Variants in PLCL1 observed in about 807,000 individuals in gnomAD.
PLCL1 encodes the protein inactive phospholipase C-like protein 1.
A neutral mutation model predicts 84.4 loss-of-function variants in PLCL1; 41 were observed. That is an observed-to-expected ratio of 0.49 (90% confidence interval 0.38 to 0.63). The LOEUF is 0.63. PLCL1 is among the 30% of genes least tolerant of loss of function. The pLI is 0.00. For missense variants in PLCL1, 1,206 were observed against 1,367.8 expected (o/e 0.88, Z 1.87); for synonymous variants, 490 against 488.3 (o/e 1.00, Z -0.05).
intron 1 of PLCL1, among the ~76,000 whole-genome samples, chr2:197,945,130 C>G (rs901951839): frequency 6.6e-6 from 1 of 152,044 alleles, no homozygotes; most frequent in Admixed American, 6.6e-5. Flanking sequence ...CTGGGAAGTA[C>G]TTTTTGACCT....
intron 1 of PLCL1, among the ~76,000 whole-genome samples, chr2:197,867,914 C>A (rs530173424): frequency 2.0e-5 from 3 of 152,272 alleles, no homozygotes; most frequent in African/African-American, 7.2e-5. Context: ...TCTTTCTCAA[C>A]TTGAAGTTAT....
intron 1 of PLCL1, among the ~76,000 whole-genome samples, chr2:197,880,813 A>G (rs1574928774): frequency 6.6e-6 from 1 of 152,216 alleles, no homozygotes; most frequent in East Asian, 1.9e-4. Flanking sequence ...AAAAGCAAAC[A>G]TTTACCAATG....
chr2:198,103,913 G>A lies in PLCL1; in HGVS notation c.3082G>A (p.Ala1028Thr). The A allele has an allele frequency of 6.2e-7, 1 of 1,602,360 alleles. No homozygotes were observed. The highest frequency in any genetic ancestry group is 8.5e-7 in the Non-Finnish European group (1 of 1,172,176). Residue 1028 changes from alanine to threonine, a missense_variant, in exon 5 of 6, where the codon GCT becomes ACT. Transcript: ENST00000428675. ...ACTCAACAAAGCAACTGAGAGCTTT[G>A]CTTGGAACATTACAGTATTGAAGGT... Reference protein sequence around the residue: ...RKLNKATESFAWNITVLKGQG... With the variant: ...RKLNKATESFTWNITVLKGQG...
At chr2:198,108,862 T>C (rs550124995) in intron 5 of PLCL1, among the ~76,000 whole-genome samples, 1 of 151,894 alleles carries the variant, frequency 6.6e-6, no homozygotes, top group African/African-American at 2.4e-5. Context: ...TATCCAACTG[T>C]AGCAGTCAAT....
intron 1 of PLCL1, among the ~76,000 whole-genome samples, chr2:197,853,110 C>T (rs556650279): frequency 8.5e-5 from 13 of 152,270 alleles, no homozygotes; most frequent in South Asian, 2.1e-4. Flanking sequence ...TAAATGGAAT[C>T]GTACAATATT....
At chr2:197,818,041 A>G (rs1015540987) in intron 1 of PLCL1, among the ~76,000 whole-genome samples, 7 of 152,020 alleles carry the variant, frequency 4.6e-5, no homozygotes, top group African/African-American at 1.7e-4. Context: ...TGGGTTGTCG[A>G]TAGTGATGAT....
At chr2:198,070,562 C>T (rs1692439907) in intron 1 of PLCL1, among the ~76,000 whole-genome samples, 1 of 151,924 alleles carries the variant, frequency 6.6e-6, no homozygotes, top group Non-Finnish European at 1.5e-5. Flanking sequence ...ATTTCCAAAT[C>T]AGAGGTCTGA....
rs1170797844 is a variant in PLCL1 at position 198,148,083 on chromosome 2, T to C, written c.*1121T>C. 1 of 152,262 alleles carries C rather than the reference T, an allele frequency of 6.6e-6. No individual in the cohort carries two copies. Among genetic ancestry groups the C allele is most frequent in the African/African-American group, 2.4e-5 (1 of 41,428 alleles). The allele number at this position is 152,262 out of a possible 1,614,324, so 9.4% of individuals were successfully genotyped here. Reference sequence around the variant, plus strand: ...ATACATGCAAAAAGAAATGACTAATTAGGGTACATTTATAATTGCATCTAG... The same window carrying C: ...ATACATGCAAAAAGAAATGACTAATCAGGGTACATTTATAATTGCATCTAG... On this transcript the variant is annotated 3_prime_UTR_variant, in exon 6 of 6. Coordinates refer to ENST00000428675, the MANE Select transcript of PLCL1 (RefSeq NM_006226.4).
At chr2:197,891,972 A>G (rs1688038620) in intron 1 of PLCL1, among the ~76,000 whole-genome samples, 1 of 152,158 alleles carries the variant, frequency 6.6e-6, no homozygotes, top group Admixed American at 6.6e-5. Context: ...GAGAATTTCC[A>G]CTTTATTCTT....
At chr2:197,895,076 C>T (rs563701270) in intron 1 of PLCL1, among the ~76,000 whole-genome samples, 1 of 152,118 alleles carries the variant, frequency 6.6e-6, no homozygotes, top group African/African-American at 2.4e-5. Flanking sequence ...AAAGTGTTGG[C>T]CCAGTGGACT....
chr2:198,056,684 T>C (rs1348674065), intron 1 of PLCL1, among the ~76,000 whole-genome samples: 1 of 152,220 alleles, frequency 6.6e-6, no homozygotes, highest in Non-Finnish European at 1.5e-5. Flanking sequence ...TTAACAAAAT[T>C]ATTTTTGCAC....
chr2:197,848,795 A>C (rs905416207), intron 1 of PLCL1, among the ~76,000 whole-genome samples: 2 of 152,126 alleles, frequency 1.3e-5, no homozygotes, highest in Non-Finnish European at 2.9e-5. Context: ...GCCTGACCCA[A>C]GTGATGGTGT....
chr2:197,981,484 T>C (rs909830774), intron 1 of PLCL1, among the ~76,000 whole-genome samples: 4 of 152,236 alleles, frequency 2.6e-5, no homozygotes, highest in African/African-American at 9.6e-5. Flanking sequence ...AATTCATTTT[T>C]CCTGATCTGT....
rs16827593 is a variant in PLCL1 at position 198,096,217 on chromosome 2, C to T, written c.2920-5068C>T. 8.8e-3 allele frequency among the ~76,000 whole-genome samples: 1,338 copies of T among 152,246 alleles called. 10 individuals carry two copies. The highest frequency in any genetic ancestry group is 0.014 in the Middle Eastern group (4 of 294). ...CACGCAGTGTTCAGAGAGTTGACCA[C>T]ATGGTATTTTATGTCCTTAGCTGGA... is the stretch of plus-strand genomic sequence containing the variant. On this transcript the variant is annotated intron_variant, in intron 3 of 5. Coordinates refer to ENST00000428675, the MANE Select transcript of PLCL1 (RefSeq NM_006226.4).
At chr2:198,037,323 G>T (rs941390794) in intron 1 of PLCL1, among the ~76,000 whole-genome samples, 2 of 152,122 alleles carry the variant, frequency 1.3e-5, no homozygotes, top group African/African-American at 4.8e-5. Flanking sequence ...GTACAGTCTT[G>T]ATGAAATACA....
rs1301683704 is a variant in PLCL1 at position 197,805,903 on chromosome 2, C to T, written c.240+564C>T. ...GTTTTTGCGCTGCAGAAAGCACAAC[C>T]GGAAAGCAATCAATCCCCCAAGCAT... On this transcript the variant is annotated intron_variant, in intron 1 of 5. Coordinates refer to ENST00000428675, the MANE Select transcript of PLCL1 (RefSeq NM_006226.4). The surrounding 1 kb of genome is among the most constrained non-coding windows in gnomAD (Gnocchi z 4.0). Among the ~76,000 whole-genome samples, 1 of 152,198 alleles carries T rather than the reference C, an allele frequency of 6.6e-6. No homozygotes were observed. Among genetic ancestry groups the T allele is most frequent in the African/African-American group, 2.4e-5 (1 of 41,448 alleles).
At chr2:197,905,991 A>G (rs1471361435) in intron 1 of PLCL1, among the ~76,000 whole-genome samples, 7 of 152,184 alleles carry the variant, frequency 4.6e-5, no homozygotes, top group African/African-American at 1.4e-4. Context: ...GATAGATTGC[A>G]AAAATTTTCT....
chr2:197,830,048 A>C (rs1389988643), intron 1 of PLCL1, among the ~76,000 whole-genome samples: 4 of 152,174 alleles, frequency 2.6e-5, no homozygotes, highest in Non-Finnish European at 4.4e-5. Context: ...ATTAGTTAAA[A>C]ATATGCTTTT....
At chr2:198,043,878 G>GTTTTTT (rs1490203466) in intron 1 of PLCL1, among the ~76,000 whole-genome samples, 2 of 76,120 alleles carry the variant, frequency 2.6e-5, no homozygotes, top group African/African-American at 9.9e-5. Flanking sequence ...TTTAATTCTT[G>GTTTTTT]TTCTTTTTTT....
Sources: allele counts gnomAD v4.1 joint callset (sites outside exome capture counted in the v4.1 genomes callset), GRCh38; gene constraint gnomAD v4.1.1; non-coding constraint Gnocchi (gnomAD v3.1); transcripts MANE v1.5; gene names NCBI Gene and HGNC (gene_info 2026-07-23, HGNC 2026-07-21).